The following RBBP4 variants were observed in gnomAD, a reference collection of about 807,000 sequenced individuals.
RBBP4 encodes the protein histone-binding protein RBBP4.
Under a neutral mutation model 57.2 loss-of-function variants are expected in RBBP4, and 3 were observed. The ratio of observed to expected loss-of-function variants is 0.05; its 90% CI spans 0.02 to 0.14. RBBP4 has a LOEUF of 0.14. Among genes scored for constraint, RBBP4 ranks in the 10% least tolerant of loss-of-function variants. RBBP4 has a pLI of 1.00. For synonymous variants in RBBP4, 151 were observed against 171.5 expected (o/e 0.88, Z 0.93); for missense variants, 107 against 520.6 (o/e 0.21, Z 7.73).
In RBBP4 at chr1:32,673,148, C is replaced by G. The variant is rs78908446; in HGVS notation, c.1212+247C>G. On this transcript the variant is annotated intron_variant, in intron 11 of 11. Coordinates refer to ENST00000373493, the MANE Select transcript of RBBP4 (RefSeq NM_005610.3). Reference sequence around the variant, plus strand: ...TCCCACTTCTCCTTTTCCCTCTCCTCCTTCTTTCTTTCTTTTTGTATGACT... The same window carrying G: ...TCCCACTTCTCCTTTTCCCTCTCCTGCTTCTTTCTTTCTTTTTGTATGACT... Among the ~76,000 whole-genome samples the G allele has an allele frequency of 2.4e-4, 36 of 152,266 alleles. No individual in the cohort carries two copies. The East Asian group carries it at 6.2e-3, about 26-fold the overall frequency.
intron 3 of RBBP4, among the ~76,000 whole-genome samples, chr1:32,661,995 C>T (rs1648439365): frequency 1.4e-5 from 2 of 146,532 alleles, no homozygotes; most frequent in African/African-American, 5.1e-5. Flanking sequence ...AAGCGATTCT[C>T]CTGCCTCAGC....
intron 1 of RBBP4, chr1:32,651,579 C>G: frequency 1.9e-6 from 2 of 1,025,866 alleles, no homozygotes; most frequent in Non-Finnish European, 2.6e-6. Context: ...ATATCGGTTT[C>G]TCGGCCTCTG....
At chr1:32,652,789 G>C (rs574738145) in intron 2 of RBBP4, among the ~76,000 whole-genome samples, 1 of 151,840 alleles carries the variant, frequency 6.6e-6, no homozygotes, top group Non-Finnish European at 1.5e-5. Flanking sequence ...CTGGTGATCC[G>C]CCCGCCTCTG....
chr1:32,662,654 G>A (rs941076895), intron 3 of RBBP4, among the ~76,000 whole-genome samples: 2 of 152,016 alleles, frequency 1.3e-5, no homozygotes, highest in African/African-American at 2.4e-5. Flanking sequence ...GATTATAGGC[G>A]TGAGCCACCA....
chr1:32,682,861 C>A lies in RBBP4; in HGVS notation c.*3156C>A, dbSNP rs115254209. On this transcript the variant is annotated 3_prime_UTR_variant, in exon 12 of 12. Transcript: ENST00000373493. ...TAATGTACAACTTGACACGGACTTT[C>A]TTTTATCCTTAGTTTCTTTCACGGA... The A allele has an allele frequency of 1.3e-5, 2 of 152,136 alleles. No individual in the cohort carries two copies. Among genetic ancestry groups the A allele is most frequent in the Non-Finnish European group, 2.9e-5 (2 of 68,026 alleles). The allele number at this position is 152,136 out of a possible 1,614,324, so 9.4% of individuals were successfully genotyped here.
At chr1:32,652,601 C>CGCGA (rs1647872108) in intron 2 of RBBP4, 1 of 152,632 alleles carries the variant, frequency 6.6e-6, no homozygotes, top group Admixed American at 6.5e-5. Context: ...AGTGCAGTGG[C>CGCGA]GCGAGCTCGA....
At position 32,684,301 on chromosome 1, in the gene RBBP4, CCAT is replaced by C. The variant is rs1300385345; in HGVS notation, c.*4598_*4600del. 1.9e-6 allele frequency: 3 copies of C among 1,614,188 alleles called. No homozygotes were observed. Among genetic ancestry groups the C allele is most frequent in the Non-Finnish European group, 2.5e-6 (3 of 1,180,036 alleles). ...TCAGCAAGACTGAGCCTTAGCTGTT[CCAT>C]CTCTTTGTTCTTCTGTTGCTGGAGT... On this transcript the variant is annotated 3_prime_UTR_variant, in exon 12 of 12. Transcript: ENST00000373493.
intron 11 of RBBP4, among the ~76,000 whole-genome samples, chr1:32,677,759 T>A (rs1415543129): frequency 1.3e-5 from 2 of 152,152 alleles, no homozygotes; most frequent in African/African-American, 4.8e-5. Context: ...ACATTTGGTG[T>A]TAGAAGTAAC....
At chr1:32,678,243 T>C (rs1383664299) in intron 11 of RBBP4, among the ~76,000 whole-genome samples, 1 of 151,976 alleles carries the variant, frequency 6.6e-6, no homozygotes, top group East Asian at 1.9e-4. Context: ...TGGACCCCTG[T>C]TTTTTTTAGA....
chr1:32,652,830 G>A (rs894686429), intron 2 of RBBP4, among the ~76,000 whole-genome samples: 1 of 152,218 alleles, frequency 6.6e-6, no homozygotes, highest in Non-Finnish European at 1.5e-5. Flanking sequence ...ACAGGCGTGA[G>A]CCACTGCACC....
intron 11 of RBBP4, among the ~76,000 whole-genome samples, chr1:32,679,150 A>C (rs1351672830): frequency 2.0e-5 from 3 of 152,128 alleles, no homozygotes; most frequent in African/African-American, 7.2e-5. Context: ...TACAAAAATT[A>C]GCCAGGCGTA....
In RBBP4 at chr1:32,661,301, C is replaced by CTTTTTTTTT. The variant is rs370489912; in HGVS notation, c.310+3729_310+3730insTTTTTTTTT. On this transcript the variant is annotated intron_variant, in intron 3 of 11. Coordinates refer to ENST00000373493, the MANE Select transcript of RBBP4 (RefSeq NM_005610.3). The stretch of plus-strand genomic sequence containing the variant: ...TTGAATGGTAGTTCTATTTTTAGTT[C>CTTTTTTTTT]CTTTTTTTTTTTTTTTGAGATGGAG... 1.5e-5 allele frequency among the ~76,000 whole-genome samples: 2 copies of CTTTTTTTTT among 132,106 alleles called. 1 individual carries two copies. The highest frequency in any genetic ancestry group is 3.1e-5 in the Non-Finnish European group (2 of 64,962). The allele number at this position is 132,106 out of a possible 152,430, so 86.7% of individuals were successfully genotyped here.
At chr1:32,661,759 T>G (rs547446171) in intron 3 of RBBP4, among the ~76,000 whole-genome samples, 1 of 150,294 alleles carries the variant, frequency 6.7e-6, no homozygotes, top group Admixed American at 6.7e-5. Context: ...GAGGCATCTA[T>G]CTGTTTTGAT....
intron 11 of RBBP4, among the ~76,000 whole-genome samples, chr1:32,678,042 GT>G (rs1381133740): frequency 6.6e-6 from 1 of 152,142 alleles, no homozygotes; most frequent in Non-Finnish European, 1.5e-5. Context: ...GGAACATATT[GT>G]TTTGGAAGTT....
chr1:32,684,115 A>T lies in RBBP4; in HGVS notation c.*4410A>T, dbSNP rs200279844. 2 of 1,612,238 alleles carry T rather than the reference A, an allele frequency of 1.2e-6. No individual in the cohort carries two copies. Among genetic ancestry groups the T allele is most frequent in the South Asian group, 2.2e-5 (2 of 90,800 alleles). ...CTTTAAAAAGAGAGAGCCATTTTCC[A>T]TGTGTTTTTGGATAAGCACAATTTG... On this transcript the variant is annotated 3_prime_UTR_variant, in exon 12 of 12. Coordinates refer to ENST00000373493, the MANE Select transcript of RBBP4 (RefSeq NM_005610.3).
Position 32,684,216 on chromosome 1 carries a change from C to T in RBBP4, c.*4511C>T, listed in dbSNP as rs758216023. ...TCCCTAAGCCCTCCCACCATCCCCT[C>T]AGCCAGTATTAGATGAGATTTGTAT... On this transcript the variant is annotated 3_prime_UTR_variant, in exon 12 of 12. Transcript: ENST00000373493. 12 of 1,610,952 alleles carry T rather than the reference C, an allele frequency of 7.4e-6. No individual in the cohort carries two copies. Among genetic ancestry groups the T allele is most frequent in the East Asian group, 6.7e-5 (3 of 44,814 alleles).
chr1:32,681,968 T>C lies in RBBP4; in HGVS notation c.*2263T>C. 2 of 1,005,276 alleles carry C rather than the reference T, an allele frequency of 2.0e-6. No homozygotes were observed. Among genetic ancestry groups the C allele is most frequent in the South Asian group, 2.8e-5 (2 of 70,926 alleles). The allele number at this position is 1,005,276 out of a possible 1,614,324, so 62.3% of individuals were successfully genotyped here. A position where few individuals can be genotyped will look rare whatever the true frequency, so the allele number is the denominator to read the frequency against. ...AGTGTGATTTATGGATGATCAGGGA[T>C]GACTTTCCCCTAGCAAATATTTGGA... On this transcript the variant is annotated 3_prime_UTR_variant, in exon 12 of 12. Coordinates refer to ENST00000373493, the MANE Select transcript of RBBP4 (RefSeq NM_005610.3).
chr1:32,684,617 G>T lies in RBBP4; in HGVS notation c.*4912G>T. On this transcript the variant is annotated 3_prime_UTR_variant, in exon 12 of 12. Coordinates refer to ENST00000373493, the MANE Select transcript of RBBP4 (RefSeq NM_005610.3). ...GCATCTTGTCTGTTAACCACAGCTT[G>T]CTTTAATAGAATCCTGGGAGGGTGA... 1 of 518,150 alleles carries T rather than the reference G, an allele frequency of 1.9e-6. No individual in the cohort carries two copies. The highest frequency in any genetic ancestry group is 3.4e-6 in the Non-Finnish European group (1 of 296,728). 32.1% of individuals were successfully genotyped at this position (518,150 alleles called of 1,614,324 possible).
chr1:32,656,361 T>C lies in RBBP4; in HGVS notation c.165-1066T>C, dbSNP rs570063281. On this transcript the variant is annotated intron_variant, in intron 2 of 11. Transcript: ENST00000373493. Reference sequence around the variant, plus strand: ...CCAGCCGCCGGTTTTTTTTGTTTTGTTTGTTTTTTGAGACAGAGTCTTGCT... The same window carrying C: ...CCAGCCGCCGGTTTTTTTTGTTTTGCTTGTTTTTTGAGACAGAGTCTTGCT... Among the ~76,000 whole-genome samples, 4 of 151,500 alleles carry C rather than the reference T, an allele frequency of 2.6e-5. No homozygotes were observed. In the East Asian group the frequency reaches 7.8e-4, roughly 29 times the overall value.
Sources: gnomAD v4.1 joint callset for allele counts (sites outside exome capture counted in the v4.1 genomes callset) on GRCh38, gnomAD v4.1.1 for gene constraint, MANE v1.5 for transcripts, NCBI Gene and HGNC (gene_info 2026-07-23, HGNC 2026-07-21) for gene names.